SLC4A1: variants seen among roughly 807,000 people sequenced by gnomAD.
The protein encoded by SLC4A1 is solute carrier family 4 member 1 (Diego blood group).
SLC4A1 carries 29 observed loss-of-function variants against 93.1 expected under a neutral mutation model. That is an observed-to-expected ratio of 0.31 (90% CI 0.23 to 0.42). The LOEUF (loss-of-function observed/expected upper bound fraction) is 0.42, where lower values mean the gene tolerates loss of function less well. Among genes scored for constraint, SLC4A1 ranks in the 20% least tolerant of loss-of-function variants. The pLI is 1.00. For synonymous variants in SLC4A1, 469 were observed against 497.2 expected (o/e 0.94, Z 0.76); for missense variants, 965 against 1,190.1 (o/e 0.81, Z 2.78).
chr17:44,251,340 C>T lies in SLC4A1; in HGVS notation c.2482-8G>A, dbSNP rs772140712. The T allele has an allele frequency of 6.8e-6, 11 of 1,614,076 alleles. No individual in the cohort carries two copies. Among genetic ancestry groups the T allele is most frequent in the Admixed American group, 3.3e-5 (2 of 60,004 alleles). On this transcript the variant is annotated splice_region_variant and splice_polypyrimidine_tract_variant and intron_variant, in intron 18 of 19. Transcript: ENST00000262418. ...CATGCGCCAGGTCTTCACCTGCAGG[C>T]GGAGGCTGGGGTCAGTGCCTATCAC...
intron 19 of SLC4A1, among the ~76,000 whole-genome samples, chr17:44,250,757 C>T (rs926480846): frequency 1.3e-5 from 2 of 152,198 alleles, no homozygotes; most frequent in East Asian, 1.9e-4. Flanking sequence ...AGGGGAGGGC[C>T]TGCAGAGGGT....
chr17:44,249,497 ATGTAGAATCAAC>A lies in SLC4A1; in HGVS notation c.*949_*960del. The A allele has an allele frequency of 4.3e-6, 1 of 233,902 alleles. No individual in the cohort carries two copies. Among genetic ancestry groups the A allele is most frequent in the Non-Finnish European group, 8.4e-6 (1 of 118,540 alleles). The allele number at this position is 233,902 out of a possible 1,614,324, so 14.5% of individuals were successfully genotyped here. ...CCACCCTCCCCCACTCCCTATCCAA[ATGTAGAATCAAC>A]TGTACCTTGCCCCCCACCCCCACCC... On this transcript the variant is annotated 3_prime_UTR_variant, in exon 20 of 20. Transcript: ENST00000262418.
chr17:44,252,461 C>A (rs1365603281), intron 17 of SLC4A1, among the ~76,000 whole-genome samples: 1 of 152,210 alleles, frequency 6.6e-6, no homozygotes, highest in African/African-American at 2.4e-5. Context: ...CTTAAGCCCA[C>A]TCCCTTAACC....
At chr17:44,259,713 T>C (rs2047424694) in intron 7 of SLC4A1, 96 bp downstream of exon 7, 2 of 1,589,100 alleles carry the variant, frequency 1.3e-6, no homozygotes, top group Non-Finnish European at 1.7e-6. Flanking sequence ...TCTGGTCCCC[T>C]GCTTGTGGTC....
rs966641655 is a variant in SLC4A1 at position 44,252,047 on chromosome 17, C to CTT, written c.2312-461_2312-460dup. On this transcript the variant is annotated intron_variant, in intron 17 of 19. Transcript: ENST00000262418. ...CTGGCCTGGAGCTATTCCTATGGGT[C>CTT]TTTTTTTTTTTTTTTTTTTTTTTTT... Among the ~76,000 whole-genome samples, 146 of 69,130 alleles carry CTT rather than the reference C, an allele frequency of 2.1e-3. 26 individuals carry two copies. Among genetic ancestry groups the CTT allele is most frequent in the African/African-American group, 7.9e-3 (113 of 14,282 alleles). 45.4% of individuals were successfully genotyped at this position (69,130 alleles called of 152,430 possible).
intron 4 of SLC4A1, 57 bp from the exon 5 acceptor site, chr17:44,260,872 G>T: frequency 6.3e-7 from 1 of 1,584,202 alleles, no homozygotes; most frequent in Non-Finnish European, 8.6e-7. Flanking sequence ...CATAGTGGGT[G>T]CTCAGCCACT....
intron 19 of SLC4A1, 149 bp downstream of exon 19, chr17:44,251,010 G>T: frequency 1.2e-6 from 1 of 856,834 alleles, no homozygotes; most frequent in Non-Finnish European, 1.9e-6. Context: ...CCGTGCTCCA[G>T]ATCATATGCT....
chr17:44,257,635 T>A, intron 12 of SLC4A1, 24 bp downstream of exon 12: 1 of 1,612,620 alleles, frequency 6.2e-7, no homozygotes. Flanking sequence ...CATGACAGGG[T>A]CAGTGGGGCA....
In SLC4A1 at chr17:44,255,663, G is replaced by T. The variant is rs768924881; in HGVS notation, c.1800+10C>A. On this transcript the variant is annotated intron_variant, in intron 14 of 19. Coordinates refer to ENST00000262418, the MANE Select transcript of SLC4A1 (RefSeq NM_000342.4). ...GTGTTGGCAAGGACAGGCGAGGAGG[G>T]TATGCTGACCTTGCCAGGGAAATAG... The T allele has an allele frequency of 1.9e-6, 3 of 1,613,216 alleles. No homozygotes were observed. Among genetic ancestry groups the T allele is most frequent in the Admixed American group, 3.3e-5 (2 of 60,006 alleles).
At chr17:44,256,603 A>G (rs1204549731) in intron 13 of SLC4A1, among the ~76,000 whole-genome samples, 9 of 152,220 alleles carry the variant, frequency 5.9e-5, no homozygotes, top group Non-Finnish European at 1.3e-4. Flanking sequence ...GGACAAGCAC[A>G]GGGGAGGGAG....
chr17:44,250,102 C>G lies in SLC4A1; in HGVS notation c.*356G>C, dbSNP rs1046413791. On this transcript the variant is annotated 3_prime_UTR_variant, in exon 20 of 20. Transcript: ENST00000262418. ...CTTGCCCAAGGTCACACAGCAAGCA[C>G]CCCACCCGCTCACCCACCTCCTGCC... The G allele has an allele frequency of 6.0e-6, 2 of 332,558 alleles. No individual in the cohort carries two copies. The highest frequency in any genetic ancestry group is 1.2e-5 in the Non-Finnish European group (2 of 171,684). 20.6% of individuals were successfully genotyped at this position (332,558 alleles called of 1,614,324 possible).
chr17:44,261,537 G>T, intron 4 of SLC4A1, 38 bp downstream of exon 4: 1 of 1,614,138 alleles, frequency 6.2e-7, no homozygotes, highest in Non-Finnish European at 8.5e-7. Context: ...GGTCCCAAAG[G>T]CAGCATGGGA....
chr17:44,251,421 G>T lies in SLC4A1; in HGVS notation c.2479C>A (p.Arg827=). ...GCAGCCAGAAAAGGGTCCTGTACCC[G>T]CTTGACGTAGGGCACATCTGGGTGA... The part of the protein sequence containing the change: ...KYHPDVPYVK[R]VKTWRMHLFT... Residue 827 remains arginine (R), a splice_region_variant and synonymous_variant, in exon 18 of 20, where the codon CGG becomes AGG. Coordinates refer to ENST00000262418, the MANE Select transcript of SLC4A1 (RefSeq NM_000342.4). 1.9e-6 allele frequency: 3 copies of T among 1,614,258 alleles called. No homozygotes were observed. Among genetic ancestry groups the T allele is most frequent in the Non-Finnish European group, 2.5e-6 (3 of 1,180,048 alleles).
chr17:44,258,659 C>G lies in SLC4A1; in HGVS notation c.877-36G>C, dbSNP rs2144615723. The G allele has an allele frequency of 6.4e-7, 1 of 1,551,590 alleles. No individual in the cohort carries two copies. Among genetic ancestry groups the G allele is most frequent in the East Asian group, 2.4e-5 (1 of 41,024 alleles). ...GAGACAGGGTCAGAGCTGCCCGGACCTGCGGAGGGAAAGGACCCAGGAGTC... is the reference window on the plus strand; with the variant it reads ...GAGACAGGGTCAGAGCTGCCCGGACGTGCGGAGGGAAAGGACCCAGGAGTC... On this transcript the variant is annotated intron_variant, in intron 9 of 19. Transcript: ENST00000262418. The surrounding 1 kb of genome is among the most constrained non-coding windows in gnomAD (Gnocchi z 6.1).
chr17:44,265,841 C>T (rs1052527433), intron 1 of SLC4A1, among the ~76,000 whole-genome samples: 7 of 151,974 alleles, frequency 4.6e-5, no homozygotes, highest in South Asian at 2.1e-4. Context: ...ATTAGCCAGG[C>T]GTGGTGGCGC....
Position 44,260,388 on chromosome 17 carries a change from T to C in SLC4A1, c.485+16A>G. On this transcript the variant is annotated intron_variant, in intron 6 of 19. Coordinates refer to ENST00000262418, the MANE Select transcript of SLC4A1 (RefSeq NM_000342.4). ...CCCACTGGATATGGAATCCAGGCCC[T>C]GGCAGGCAGGGGCACCTGTGTTTAA... 1 of 1,608,750 alleles carries C rather than the reference T, an allele frequency of 6.2e-7. No homozygotes were observed. The highest frequency in any genetic ancestry group is 8.5e-7 in the Non-Finnish European group (1 of 1,177,856).
intron 17 of SLC4A1, among the ~76,000 whole-genome samples, chr17:44,252,605 C>G (rs1241654300): frequency 6.6e-6 from 1 of 152,214 alleles, no homozygotes; most frequent in African/African-American, 2.4e-5. Flanking sequence ...CCGAACCCAG[C>G]TCGACTCTTG....
At position 44,259,079 on chromosome 17, in the gene SLC4A1, A is replaced by G. The variant is rs954299787; in HGVS notation, c.876+84T>C. 6 of 1,420,718 alleles carry G rather than the reference A, an allele frequency of 4.2e-6. No individual in the cohort carries two copies. In the African/African-American group the frequency reaches 8.5e-5, roughly 20 times the overall value. 88.0% of individuals were successfully genotyped at this position (1,420,718 alleles called of 1,614,324 possible). On this transcript the variant is annotated intron_variant, in intron 9 of 19. Coordinates refer to ENST00000262418, the MANE Select transcript of SLC4A1 (RefSeq NM_000342.4). Reference sequence around the variant, plus strand: ...GGGTCAAACCAGTGAACCTAAAGTAACCCAGGCCAGGTTGGAGAGCAGGCC... The same window carrying G: ...GGGTCAAACCAGTGAACCTAAAGTAGCCCAGGCCAGGTTGGAGAGCAGGCC...
intron 15 of SLC4A1, 114 bp from the exon 16 acceptor site, chr17:44,254,776 C>T: frequency 1.2e-6 from 1 of 857,284 alleles, no homozygotes; most frequent in Non-Finnish European, 1.9e-6. Flanking sequence ...CACTTGGGAA[C>T]TTACTTATAT....
Sources: gnomAD v4.1 joint callset for allele counts (sites outside exome capture counted in the v4.1 genomes callset) on GRCh38, gnomAD v4.1.1 for gene constraint, Gnocchi (gnomAD v3.1) non-coding constraint, MANE v1.5 for transcripts, NCBI Gene and HGNC (gene_info 2026-07-23, HGNC 2026-07-21) for gene names.